ARHGAP24: variants seen among roughly 807,000 people sequenced by gnomAD.
The protein encoded by ARHGAP24 is Rho GTPase activating protein 24, also known as rho GTPase-activating protein 24.
A neutral mutation model predicts 76.4 loss-of-function variants in ARHGAP24; 50 were observed. The observed-to-expected ratio is 0.65, with a 90% confidence interval of 0.52 to 0.83. ARHGAP24 has a LOEUF of 0.83. Among genes scored for constraint, ARHGAP24 ranks in the 40% least tolerant of loss-of-function variants. The pLI is 0.00. For synonymous variants in ARHGAP24, 345 were observed against 323.3 expected (o/e 1.07, Z -0.72); for missense variants, 930 against 914.2 (o/e 1.02, Z -0.22).
chr4:85,722,640 T>G (rs982676681), intron 3 of ARHGAP24: 3 of 154,650 alleles, frequency 1.9e-5, no homozygotes, highest in Non-Finnish European at 2.9e-5. Flanking sequence ...ACTAAAGTCT[T>G]TGACTAACCC....
chr4:85,714,021 C>T (rs988819635), intron 2 of ARHGAP24, among the ~76,000 whole-genome samples: 4 of 152,056 alleles, frequency 2.6e-5, no homozygotes, highest in Non-Finnish European at 4.4e-5. Context: ...TCAAGTCTTC[C>T]TTTCCCTCAT....
intron 2 of ARHGAP24, among the ~76,000 whole-genome samples, chr4:85,663,676 A>T (rs1722494322): frequency 6.6e-6 from 1 of 151,468 alleles, no homozygotes; most frequent in African/African-American, 2.4e-5. Context: ...AGCTCTTATT[A>T]TTTTGAGATA....
chr4:85,863,456 A>G (rs1732017304), intron 3 of ARHGAP24, among the ~76,000 whole-genome samples: 2 of 152,226 alleles, frequency 1.3e-5, no homozygotes, highest in African/African-American at 4.8e-5. Context: ...ACTGGAATGT[A>G]AGCTCAGTGA....
intron 3 of ARHGAP24, among the ~76,000 whole-genome samples, chr4:85,730,146 A>G (rs1005809089): frequency 2.0e-4 from 31 of 152,308 alleles, no homozygotes; most frequent in African/African-American, 7.5e-4. Flanking sequence ...TAGTGACCAA[A>G]CTGAAATCTC....
intron 8 of ARHGAP24, among the ~76,000 whole-genome samples, chr4:85,993,216 C>G (rs1740440837): frequency 6.6e-6 from 1 of 152,176 alleles, no homozygotes; most frequent in African/African-American, 2.4e-5. Flanking sequence ...CTAAAATTTT[C>G]AGCTTCCAGG....
chr4:85,834,153 A>T (rs1168219490), intron 3 of ARHGAP24, among the ~76,000 whole-genome samples: 1 of 152,178 alleles, frequency 6.6e-6, no homozygotes, highest in African/African-American at 2.4e-5. Flanking sequence ...CTAGATCAAG[A>T]GGTAGAAAAA....
At chr4:85,794,730 C>T (rs1728275370) in intron 3 of ARHGAP24, among the ~76,000 whole-genome samples, 1 of 152,242 alleles carries the variant, frequency 6.6e-6, no homozygotes, top group South Asian at 2.1e-4. Flanking sequence ...ATCTGCCCAC[C>T]TCTGCCTCCC....
chr4:85,644,419 C>G (rs1475367546), intron 2 of ARHGAP24, among the ~76,000 whole-genome samples: 1 of 152,098 alleles, frequency 6.6e-6, no homozygotes, highest in Non-Finnish European at 1.5e-5. Flanking sequence ...TATTAGAAAA[C>G]AAAAGAGTAA....
At chr4:85,865,410 A>G (rs1732138945) in intron 3 of ARHGAP24, among the ~76,000 whole-genome samples, 1 of 149,920 alleles carries the variant, frequency 6.7e-6, no homozygotes, top group South Asian at 2.1e-4. Flanking sequence ...GCAGGCTACC[A>G]TGCCATTATT....
chr4:85,627,671 G>A (rs1417226347), intron 2 of ARHGAP24, among the ~76,000 whole-genome samples: 1 of 152,234 alleles, frequency 6.6e-6, no homozygotes, highest in Non-Finnish European at 1.5e-5. Flanking sequence ...CCCAGAAGTG[G>A]AGCCTACAGA....
At chr4:85,652,991 T>C (rs10018546) in intron 2 of ARHGAP24, among the ~76,000 whole-genome samples, 59,340 of 151,930 alleles carry the variant, frequency 0.39, 13,073 homozygotes, top group East Asian at 0.84. Flanking sequence ...TTTTCTTCAA[T>C]ATGTTAAGAA....
At chr4:85,713,411 T>A (rs1009422663) in intron 2 of ARHGAP24, among the ~76,000 whole-genome samples, 7 of 152,134 alleles carry the variant, frequency 4.6e-5, no homozygotes, top group African/African-American at 1.4e-4. Context: ...AATAGAAAAA[T>A]TTAGCAAAAT....
intron 2 of ARHGAP24, among the ~76,000 whole-genome samples, chr4:85,585,037 T>C (rs1178215): frequency 0.013 from 2,054 of 152,338 alleles, 43 homozygotes; most frequent in African/African-American, 0.047. Context: ...CATCTACTTA[T>C]ATCTAATCCT....
chr4:85,785,070 A>T (rs1411991903), intron 3 of ARHGAP24, among the ~76,000 whole-genome samples: 1 of 152,138 alleles, frequency 6.6e-6, no homozygotes, highest in Non-Finnish European at 1.5e-5. Context: ...ACAGAAGCAG[A>T]GGCTGTAAAG....
At chr4:85,644,221 C>G (rs1721638076) in intron 2 of ARHGAP24, among the ~76,000 whole-genome samples, 1 of 152,080 alleles carries the variant, frequency 6.6e-6, no homozygotes, top group Non-Finnish European at 1.5e-5. Context: ...GAGCAAAGAG[C>G]TTAGAACAGA....
chr4:85,480,604 G>A (rs1456465236), intron 1 of ARHGAP24, among the ~76,000 whole-genome samples: 1 of 151,994 alleles, frequency 6.6e-6, no homozygotes, highest in Non-Finnish European at 1.5e-5. Flanking sequence ...AATTTGCATG[G>A]TATGGCTTTA....
chr4:85,992,154 C>T (rs1740370568), intron 8 of ARHGAP24: 2 of 397,680 alleles, frequency 5.0e-6, no homozygotes, highest in Non-Finnish European at 4.4e-6. Context: ...TCATGTTCCT[C>T]ATTGGCATTC....
At chr4:85,909,512 A>G (rs185380817) in intron 3 of ARHGAP24, among the ~76,000 whole-genome samples, 318 of 152,290 alleles carry the variant, frequency 2.1e-3, no homozygotes, top group Non-Finnish European at 2.6e-3. Context: ...TTGAATTGTC[A>G]ATCTGTATTT....
intron 3 of ARHGAP24, among the ~76,000 whole-genome samples, chr4:85,861,442 C>A (rs989177397): frequency 6.6e-6 from 1 of 152,092 alleles, no homozygotes. Context: ...TATGCTGGAA[C>A]TTCTTTGGCC....
Sources: gnomAD v4.1 joint callset for allele counts (sites outside exome capture counted in the v4.1 genomes callset) on GRCh38, gnomAD v4.1.1 for gene constraint, MANE v1.5 for transcripts, NCBI Gene and HGNC (gene_info 2026-07-23, HGNC 2026-07-21) for gene names.